TNKS: variants seen among roughly 807,000 people sequenced by gnomAD.
TNKS encodes tankyrase, also known as poly [ADP-ribose] polymerase tankyrase-1.
In TNKS, 72 loss-of-function variants were observed where a neutral mutation model predicts 135.8. The observed-to-expected ratio is 0.53, with a 90% CI of 0.44 to 0.64. TNKS has a LOEUF of 0.64. Ranked by LOEUF, TNKS falls within the 30% of genes least tolerant of loss-of-function variation. The pLI, the probability that TNKS is intolerant of heterozygous loss-of-function variation, is 0.00. For missense variants in TNKS, 1,769 were observed against 1,674.0 expected (o/e 1.06, Z -0.99); for synonymous variants, 849 against 649.3 (o/e 1.31, Z -4.68).
intron 21 of TNKS, among the ~76,000 whole-genome samples, 168 bp from the exon 22 acceptor site, chr8:9,762,979 A>ATAT (rs1554487918): frequency 2.7e-5 from 4 of 150,424 alleles, no homozygotes; most frequent in Non-Finnish European, 5.9e-5. Flanking sequence ...GTCTTTGAGT[A>ATAT]TATTTGTTTA....
chr8:9,720,733 A>G (rs1294619827), intron 12 of TNKS, among the ~76,000 whole-genome samples, 188 bp downstream of exon 12: 3 of 152,200 alleles, frequency 2.0e-5, no homozygotes, highest in Non-Finnish European at 4.4e-5. Context: ...AAGGAAGCAG[A>G]TACAGCTTTT....
At chr8:9,607,561 C>T (rs999877908) in intron 2 of TNKS, among the ~76,000 whole-genome samples, 1 of 152,224 alleles carries the variant, frequency 6.6e-6, no homozygotes, top group Non-Finnish European at 1.5e-5. Context: ...TCGTCTTACA[C>T]TTGCAAAGCA....
intron 3 of TNKS, among the ~76,000 whole-genome samples, chr8:9,629,379 A>C (rs1800194935): frequency 6.6e-6 from 1 of 152,216 alleles, no homozygotes; most frequent in African/African-American, 2.4e-5. Context: ...TCTACATAGC[A>C]GACAGAAACT....
intron 3 of TNKS, among the ~76,000 whole-genome samples, chr8:9,660,044 T>A (rs1166273994): frequency 6.6e-6 from 1 of 152,162 alleles, no homozygotes; most frequent in Non-Finnish European, 1.5e-5. Context: ...CAGGAAGAAG[T>A]TGAATCTCTG....
intron 26 of TNKS, among the ~76,000 whole-genome samples, chr8:9,776,139 T>TC (rs1808215963): frequency 6.6e-6 from 1 of 152,230 alleles, no homozygotes; most frequent in Non-Finnish European, 1.5e-5. Context: ...CTTTGAGTAG[T>TC]CAGTTTTTAA....
intron 5 of TNKS, among the ~76,000 whole-genome samples, chr8:9,684,561 T>G (rs12544371): frequency 0.63 from 95,663 of 151,824 alleles, 30,609 homozygotes; most frequent in Middle Eastern, 0.72. Flanking sequence ...TAGGGACTAT[T>G]GCACATATTT....
chr8:9,658,367 C>T (rs910343146), intron 3 of TNKS: 63 of 1,224,448 alleles, frequency 5.1e-5, no homozygotes, highest in African/African-American at 6.5e-5. Context: ...CTCGCCGGCG[C>T]GGCGGCAAAG....
chr8:9,728,762 A>G (rs1805277687), intron 13 of TNKS, among the ~76,000 whole-genome samples: 1 of 152,242 alleles, frequency 6.6e-6, no homozygotes, highest in Non-Finnish European at 1.5e-5. Context: ...TGGTCACATT[A>G]CAATGGCTCT....
chr8:9,732,406 C>T (rs1249317616), intron 14 of TNKS, among the ~76,000 whole-genome samples: 2 of 152,082 alleles, frequency 1.3e-5, no homozygotes, highest in Non-Finnish European at 2.9e-5. Flanking sequence ...CATACAAGTG[C>T]ACAGTAGAAT....
chr8:9,669,203 G>A (rs1043529385), intron 3 of TNKS, among the ~76,000 whole-genome samples: 1 of 151,848 alleles, frequency 6.6e-6, no homozygotes, highest in African/African-American at 2.4e-5. Flanking sequence ...TGGATCATGA[G>A]GTCAGGAGAT....
chr8:9,556,125 C>A lies in TNKS; in HGVS notation c.186C>A (p.Gly62=). ...GLAPFASPRH[G]LALPEGDGSR... is the part of the protein sequence containing the mutation. ...CCCCCTTCGCCTCCCCGCGGCACGG[C>A]CTAGCGCTGCCGGAGGGGGATGGCA... The change falls in exon 1 of 27, where the codon GGC becomes GGA. Residue 62 remains glycine, a synonymous_variant. Transcript: ENST00000310430. 2 of 1,604,592 alleles carry A rather than the reference C, an allele frequency of 1.2e-6. No homozygotes were observed. The highest frequency in any genetic ancestry group is 1.7e-6 in the Non-Finnish European group (2 of 1,175,984).
At position 9,663,002 on chromosome 8, in the gene TNKS, C is replaced by G. The variant is rs559816406; in HGVS notation, c.995-16949C>G. The stretch of plus-strand genomic sequence containing the variant: ...TTATCTTGGGTTATCTGGATAGGCC[C>G]AGTATAATCACAAGGATTCTTTAAA... On this transcript the variant is annotated intron_variant, in intron 3 of 26. Coordinates refer to ENST00000310430, the MANE Select transcript of TNKS (RefSeq NM_003747.3). 4.6e-5 allele frequency among the ~76,000 whole-genome samples: 7 copies of G among 152,184 alleles called. No homozygotes were observed. In the East Asian group the frequency reaches 1.4e-3, roughly 29 times the overall value.
chr8:9,597,338 C>G (rs1205572913), intron 2 of TNKS, among the ~76,000 whole-genome samples: 1 of 152,224 alleles, frequency 6.6e-6, no homozygotes, highest in East Asian at 1.9e-4. Flanking sequence ...GGTTGCCACA[C>G]AAGACTATTT....
Position 9,720,361 on chromosome 8 carries a change from A to G in TNKS, c.1750-13A>G. 2 of 1,579,134 alleles carry G rather than the reference A, an allele frequency of 1.3e-6. No homozygotes were observed. Among genetic ancestry groups the G allele is most frequent in the Non-Finnish European group, 1.7e-6 (2 of 1,161,896 alleles). ...GATGCTCAATTCCATGTGCCCACGC[A>G]ATGATTTTTCAGATGAATGCACTGG... On this transcript the variant is annotated splice_polypyrimidine_tract_variant and intron_variant, in intron 11 of 26. Transcript: ENST00000310430.
At chr8:9,702,293 A>G (rs552469862) in intron 5 of TNKS, among the ~76,000 whole-genome samples, 1 of 152,102 alleles carries the variant, frequency 6.6e-6, no homozygotes, top group African/African-American at 2.4e-5. Flanking sequence ...AATTGTGGGC[A>G]TGCATGCGTG....
chr8:9,613,305 A>G (rs1021807437), intron 2 of TNKS, among the ~76,000 whole-genome samples: 1 of 152,170 alleles, frequency 6.6e-6, no homozygotes, highest in Non-Finnish European at 1.5e-5. Flanking sequence ...TTTAAATATT[A>G]TGGTGAGCTG....
At chr8:9,705,290 G>C (rs1234062176) in intron 6 of TNKS, among the ~76,000 whole-genome samples, 3 of 152,134 alleles carry the variant, frequency 2.0e-5, no homozygotes, top group Non-Finnish European at 4.4e-5. Context: ...TGAAAACTTT[G>C]TATCAGTTTC....
intron 3 of TNKS, among the ~76,000 whole-genome samples, chr8:9,667,473 A>G (rs1802049816): frequency 6.6e-6 from 1 of 152,238 alleles, no homozygotes; most frequent in South Asian, 2.1e-4. Flanking sequence ...TCGCCTATTC[A>G]GGGATTGCCT....
At position 9,730,916 on chromosome 8, in the gene TNKS, T is replaced by C. The variant is rs1222376140; in HGVS notation, c.2028T>C (p.Asn676=). The C allele has an allele frequency of 1.9e-6, 3 of 1,613,634 alleles. No individual in the cohort carries two copies. The highest frequency in any genetic ancestry group is 1.3e-5 in the African/African-American group (1 of 74,880). The change falls in exon 14 of 27, where the codon AAT becomes AAC. Residue 676 remains asparagine, a synonymous_variant. Coordinates refer to ENST00000310430, the MANE Select transcript of TNKS (RefSeq NM_003747.3). ...AACTTTGCAGCTCTCAAAATGTGAA[T>C]TGTAGAGACTTAGAGGGCCGGCATT... ...VKQLCSSQNV[N]CRDLEGRHST...
Sources: gnomAD v4.1 joint callset for allele counts (sites outside exome capture counted in the v4.1 genomes callset) on GRCh38, gnomAD v4.1.1 for gene constraint, MANE v1.5 for transcripts, NCBI Gene and HGNC (gene_info 2026-07-23, HGNC 2026-07-21) for gene names.